The following SNX8 variants were observed in gnomAD, a reference collection of about 807,000 sequenced individuals.
The protein encoded by SNX8 is sorting nexin-8.
Under a neutral mutation model 51.6 loss-of-function variants are expected in SNX8, and 25 were observed. The observed-to-expected ratio is 0.48, with a 90% CI of 0.35 to 0.68. The LOEUF is 0.68. Among genes scored for constraint, SNX8 ranks in the 30% least tolerant of loss-of-function variants. The pLI, the probability that SNX8 is intolerant of heterozygous loss-of-function variation, is 0.00. For synonymous variants in SNX8, 324 were observed against 277.0 expected (o/e 1.17, Z -1.68); for missense variants, 695 against 624.0 (o/e 1.11, Z -1.21).
At chr7:2,275,316 A>T (rs1022585323) in intron 2 of SNX8, 87 bp from the exon 3 acceptor site, 1 of 858,920 alleles carries the variant, frequency 1.2e-6, no homozygotes, top group Admixed American at 1.7e-5. Flanking sequence ...GGAAAACGAC[A>T]GCACCAAGTG....
intron 5 of SNX8, among the ~76,000 whole-genome samples, chr7:2,264,974 G>A (rs1795429490): frequency 6.6e-6 from 1 of 152,228 alleles, no homozygotes; most frequent in Non-Finnish European, 1.5e-5. Flanking sequence ...GGCAGAGGTT[G>A]CAGTGAGCTG....
rs767284096 is a variant in SNX8 at position 2,275,150 on chromosome 7, C to T, written c.380G>A (p.Arg127His). Residue 127 changes from arginine to histidine, a missense_variant, in exon 3 of 11, where the codon CGT becomes CAT. Coordinates refer to ENST00000222990, the MANE Select transcript of SNX8 (RefSeq NM_013321.4). ...QEMLLHKFPY[R>H]MVPALPPKRM... Reference sequence around the variant, plus strand: ...CTTGGGTGGCAGGGCAGGCACCATACGGTAGGGGAACTTGTGCAGGAGCAT... The same window carrying T: ...CTTGGGTGGCAGGGCAGGCACCATATGGTAGGGGAACTTGTGCAGGAGCAT... 1.4e-5 allele frequency: 23 copies of T among 1,613,882 alleles called. No individual in the cohort carries two copies. Among genetic ancestry groups the T allele is most frequent in the East Asian group, 4.5e-5 (2 of 44,890 alleles).
At chr7:2,307,814 C>T (rs1320313941) in intron 1 of SNX8, 2 of 152,292 alleles carry the variant, frequency 1.3e-5, no homozygotes, top group Admixed American at 6.6e-5. Context: ...CCAGCACCAC[C>T]ATCACCCCCG....
intron 1 of SNX8, chr7:2,310,037 G>C (rs1289755205): frequency 8.1e-6 from 3 of 371,312 alleles, no homozygotes; most frequent in Non-Finnish European, 1.6e-5. Context: ...TGAGCCGCAA[G>C]TGAAGCGTGA....
chr7:2,265,149 T>C (rs1324192872), intron 5 of SNX8, among the ~76,000 whole-genome samples: 1 of 152,148 alleles, frequency 6.6e-6, no homozygotes, highest in Admixed American at 6.6e-5. Flanking sequence ...GGTAAGGAGA[T>C]CGAGACTATG....
chr7:2,304,326 C>A (rs886422320), intron 1 of SNX8, among the ~76,000 whole-genome samples: 3 of 151,562 alleles, frequency 2.0e-5, no homozygotes, highest in Non-Finnish European at 4.4e-5. Flanking sequence ...GGGCAGATCA[C>A]GAGGTCAGGA....
intron 1 of SNX8, among the ~76,000 whole-genome samples, chr7:2,349,330 G>A (rs1024286478): frequency 2.0e-5 from 3 of 151,928 alleles, no homozygotes; most frequent in Non-Finnish European, 2.9e-5. Context: ...TCACACTGAC[G>A]CAGCCATCAC....
At chr7:2,339,353 G>A (rs1346294895) in intron 1 of SNX8, among the ~76,000 whole-genome samples, 5 of 151,846 alleles carry the variant, frequency 3.3e-5, no homozygotes, top group East Asian at 1.9e-4. Context: ...CTACAGGCAC[G>A]TGCCACCACG....
intron 1 of SNX8, among the ~76,000 whole-genome samples, chr7:2,346,882 T>C (rs1173642302): frequency 7.1e-6 from 1 of 141,200 alleles, no homozygotes; most frequent in Non-Finnish European, 1.5e-5. Context: ...ATCACACCAC[T>C]GTACGCCAGC....
At chr7:2,345,126 C>G (rs1293753619) in intron 1 of SNX8, among the ~76,000 whole-genome samples, 1 of 151,988 alleles carries the variant, frequency 6.6e-6, no homozygotes, top group African/African-American at 2.4e-5. Context: ...TAAACTATAG[C>G]TCATAGAGAC....
intron 4 of SNX8, among the ~76,000 whole-genome samples, chr7:2,271,115 C>T (rs981740289): frequency 1.3e-5 from 2 of 152,224 alleles, no homozygotes; most frequent in African/African-American, 4.8e-5. Flanking sequence ...ACAATCACAG[C>T]TCACTGCAAG....
intron 1 of SNX8, among the ~76,000 whole-genome samples, chr7:2,299,191 C>G (rs553248902): frequency 2.0e-5 from 3 of 152,068 alleles, no homozygotes; most frequent in Non-Finnish European, 2.9e-5. Context: ...ACGGGCCATC[C>G]ATCGCTGAGA....
chr7:2,261,772 C>A (rs1339921302), intron 7 of SNX8, among the ~76,000 whole-genome samples: 1 of 152,204 alleles, frequency 6.6e-6, no homozygotes, highest in Non-Finnish European at 1.5e-5. Context: ...CCAAGACTTT[C>A]CACACCAGCA....
intron 1 of SNX8, among the ~76,000 whole-genome samples, chr7:2,301,215 C>A (rs544612794): frequency 2.8e-4 from 43 of 152,316 alleles, no homozygotes; most frequent in Non-Finnish European, 5.7e-4. Flanking sequence ...GGCTGCTTAA[C>A]GTGGCCAGAC....
chr7:2,292,858 A>C (rs930374580), intron 1 of SNX8, among the ~76,000 whole-genome samples: 1 of 151,968 alleles, frequency 6.6e-6, no homozygotes, highest in Non-Finnish European at 1.5e-5. Flanking sequence ...TGCCTCTACA[A>C]AACAAAAATA....
At chr7:2,296,221 T>C (rs1049591595) in intron 1 of SNX8, among the ~76,000 whole-genome samples, 1 of 151,530 alleles carries the variant, frequency 6.6e-6, no homozygotes, top group Non-Finnish European at 1.5e-5. Flanking sequence ...GGGATGTTTT[T>C]CCATTTGTTT....
intron 3 of SNX8, 107 bp from the exon 4 acceptor site, chr7:2,272,078 G>A (rs1055538910): frequency 1.6e-5 from 24 of 1,466,470 alleles, no homozygotes; most frequent in Admixed American, 7.8e-5. Flanking sequence ...AGGGCCCAGC[G>A]GCTAGCAGAG....
chr7:2,341,924 G>C (rs1053170150), intron 1 of SNX8, among the ~76,000 whole-genome samples: 1 of 152,022 alleles, frequency 6.6e-6, no homozygotes, highest in African/African-American at 2.4e-5. Context: ...AGTGAGCGGA[G>C]ATCGCACCAC....
At chr7:2,300,594 T>G (rs996125130) in intron 1 of SNX8, among the ~76,000 whole-genome samples, 3 of 151,976 alleles carry the variant, frequency 2.0e-5, no homozygotes, top group Admixed American at 6.6e-5. Context: ...TTCATTTTTT[T>G]GTAGAGAAAA....
Sources: allele counts gnomAD v4.1 joint callset (sites outside exome capture counted in the v4.1 genomes callset), GRCh38; gene constraint gnomAD v4.1.1; transcripts MANE v1.5; gene names NCBI Gene and HGNC (gene_info 2026-07-23, HGNC 2026-07-21).